Variants in GMCL1 observed in about 807,000 individuals in gnomAD.
GMCL1 encodes germ cell-less protein-like 1.
Under a neutral mutation model 75.5 loss-of-function variants are expected in GMCL1, and 54 were observed. That is an observed-to-expected ratio of 0.71 (90% CI 0.57 to 0.90). The LOEUF is 0.90. Among genes scored for constraint, GMCL1 ranks in the 40% least tolerant of loss-of-function variants. The pLI is 0.00. For synonymous variants in GMCL1, 210 were observed against 209.6 expected (o/e 1.00, Z -0.02); for missense variants, 537 against 622.7 (o/e 0.86, Z 1.47).
intron 11 of GMCL1, 94 bp downstream of exon 11, chr2:69,865,069 C>A: frequency 1.2e-6 from 1 of 865,384 alleles, no homozygotes; most frequent in Non-Finnish European, 1.9e-6. Flanking sequence ...CCTGTCATAC[C>A]TCAGAAGAGC....
intron 6 of GMCL1, among the ~76,000 whole-genome samples, chr2:69,847,166 A>G (rs1675174364): frequency 6.6e-6 from 1 of 151,978 alleles, no homozygotes; most frequent in African/African-American, 2.4e-5. Context: ...GTAGAAGTGG[A>G]GTGGTGGAAG....
At chr2:69,840,711 C>CATGTAGATTTGGT (rs1365566592) in intron 3 of GMCL1, among the ~76,000 whole-genome samples, 13 of 152,320 alleles carry the variant, frequency 8.5e-5, no homozygotes, top group Admixed American at 3.3e-4. Context: ...TAGAAGAATG[C>CATGTAGATTTGGT]AGCTAGATTT....
intron 1 of GMCL1, among the ~76,000 whole-genome samples, chr2:69,834,505 G>T (rs974133845): frequency 2.0e-5 from 3 of 152,054 alleles, no homozygotes; most frequent in Non-Finnish European, 4.4e-5. Flanking sequence ...CCTCTGACTG[G>T]GTATGGAAAT....
At chr2:69,865,596 C>T (rs963084101) in intron 11 of GMCL1, among the ~76,000 whole-genome samples, 4 of 151,542 alleles carry the variant, frequency 2.6e-5, no homozygotes, top group African/African-American at 4.9e-5. Context: ...TGCAGTAAGC[C>T]GAGATCATGC....
chr2:69,878,398 C>CTGAGGCGGGAGGA (rs1395758691), intron 13 of GMCL1, among the ~76,000 whole-genome samples: 3 of 152,056 alleles, frequency 2.0e-5, no homozygotes, highest in African/African-American at 7.2e-5. Context: ...ACTCAGGAGG[C>CTGAGGCGGGAGGA]TGAGGCGGGA....
rs535615474 is a variant in GMCL1 at position 69,838,712 on chromosome 2, G to T, written c.385-745G>T. ...TTAACTTCAGGGTATGATTCATGTT[G>T]TTTCTTTTTAATATCTGAAAGCAGT... On this transcript the variant is annotated intron_variant, in intron 2 of 13. Transcript: ENST00000282570. Among the ~76,000 whole-genome samples, 179 of 152,204 alleles carry T rather than the reference G, an allele frequency of 1.2e-3. 2 individuals carry two copies. Among genetic ancestry groups the T allele is most frequent in the African/African-American group, 4.1e-3 (171 of 41,546 alleles).
chr2:69,874,901 C>T (rs1676083085), intron 13 of GMCL1, among the ~76,000 whole-genome samples: 2 of 151,942 alleles, frequency 1.3e-5, no homozygotes, highest in South Asian at 2.1e-4. Flanking sequence ...ACCACCATGC[C>T]CAGCTAACTT....
chr2:69,877,011 A>G (rs1676146461), intron 13 of GMCL1, among the ~76,000 whole-genome samples: 1 of 152,054 alleles, frequency 6.6e-6, no homozygotes, highest in Admixed American at 6.6e-5. Flanking sequence ...ACAGACAAAA[A>G]ACACTACCAA....
At chr2:69,876,872 C>T (rs1321161742) in intron 13 of GMCL1, among the ~76,000 whole-genome samples, 1 of 152,094 alleles carries the variant, frequency 6.6e-6, no homozygotes, top group African/African-American at 2.4e-5. Flanking sequence ...GCCTGTGGTA[C>T]CACCTACTTG....
intron 9 of GMCL1, among the ~76,000 whole-genome samples, chr2:69,856,878 C>A (rs1489033800): frequency 6.6e-6 from 1 of 151,996 alleles, no homozygotes; most frequent in Non-Finnish European, 1.5e-5. Context: ...CTGTCTATTT[C>A]TCCCCCAATC....
In GMCL1 at chr2:69,830,681, G is replaced by A. The variant is rs116132755; in HGVS notation, c.260+529G>A. Among the ~76,000 whole-genome samples the A allele has an allele frequency of 2.4e-3, 361 of 151,850 alleles. 3 individuals are homozygous for A. Among genetic ancestry groups the A allele is most frequent in the African/African-American group, 8.5e-3 (352 of 41,404 alleles). On this transcript the variant is annotated intron_variant, in intron 1 of 13. Transcript: ENST00000282570. ...TTGTTCCTAACTAGGAACAGAGTCT[G>A]TGCAAGTTTCTAGTAGTTGATGAAG...
intron 9 of GMCL1, 70 bp from the exon 10 acceptor site, chr2:69,861,208 C>T: frequency 1.8e-6 from 2 of 1,121,260 alleles, no homozygotes; most frequent in African/African-American, 3.2e-5. Context: ...ATTTTGTCAA[C>T]TATGAATGTT....
intron 7 of GMCL1, among the ~76,000 whole-genome samples, chr2:69,848,027 T>C (rs1675205270): frequency 6.6e-6 from 1 of 152,240 alleles, no homozygotes; most frequent in Admixed American, 6.5e-5. Flanking sequence ...AAGGCCTGTT[T>C]GTGTGTCTGG....
chr2:69,872,358 A>G (rs1242039542), intron 13 of GMCL1, among the ~76,000 whole-genome samples: 1 of 152,222 alleles, frequency 6.6e-6, no homozygotes, highest in Non-Finnish European at 1.5e-5. Context: ...GAAGTTTCAA[A>G]GTGTCATGAT....
intron 10 of GMCL1, among the ~76,000 whole-genome samples, chr2:69,862,803 C>A (rs1005812176): frequency 7.3e-5 from 11 of 151,286 alleles, no homozygotes; most frequent in African/African-American, 2.4e-4. Flanking sequence ...AAATTGAAAT[C>A]AAAAAGTGAG....
chr2:69,865,681 A>G (rs1489325484), intron 11 of GMCL1, among the ~76,000 whole-genome samples: 1 of 152,194 alleles, frequency 6.6e-6, no homozygotes, highest in Non-Finnish European at 1.5e-5. Flanking sequence ...TTACCACCCA[A>G]TATAAATGTA....
Position 69,881,167 on chromosome 2 carries a change from C to T in GMCL1, c.*2163C>T, listed in dbSNP as rs1424569191. 1.3e-5 allele frequency: 2 copies of T among 152,188 alleles called. No individual in the cohort carries two copies. Among genetic ancestry groups the T allele is most frequent in the East Asian group, 1.9e-4 (1 of 5,198 alleles). 9.4% of individuals were successfully genotyped at this position (152,188 alleles called of 1,614,324 possible). ...CATTGGTTCTGTCCTGGCCAAGTTG[C>T]TTATGTCATCCATAGACAGGATAAT... On this transcript the variant is annotated 3_prime_UTR_variant, in exon 14 of 14. Transcript: ENST00000282570.
chr2:69,839,306 T>G, intron 2 of GMCL1, 151 bp from the exon 3 acceptor site: 1 of 517,800 alleles, frequency 1.9e-6, no homozygotes, highest in Non-Finnish European at 3.6e-6. Context: ...TTTTCTCCTG[T>G]GGACATATTT....
At chr2:69,844,799 A>G in intron 6 of GMCL1, 1 of 322,080 alleles carries the variant, frequency 3.1e-6, no homozygotes, top group Non-Finnish European at 6.7e-6. Flanking sequence ...AGCCTCAGTG[A>G]GAGTGAGACA....
Sources: gnomAD v4.1 joint callset for allele counts (sites outside exome capture counted in the v4.1 genomes callset) on GRCh38, gnomAD v4.1.1 for gene constraint, MANE v1.5 for transcripts, NCBI Gene and HGNC (gene_info 2026-07-23, HGNC 2026-07-21) for gene names.